The following OPA1 variants were observed in gnomAD, a reference collection of about 807,000 sequenced individuals.
OPA1 encodes dynamin-like GTPase OPA1, mitochondrial.
In OPA1, 59 loss-of-function variants were observed where a neutral mutation model predicts 152.9. That is an observed-to-expected ratio of 0.39 (90% confidence interval 0.31 to 0.48). OPA1 has a LOEUF of 0.48. Among genes scored for constraint, OPA1 ranks in the 20% least tolerant of loss-of-function variants. OPA1 has a pLI of 0.96. For synonymous variants in OPA1, 400 were observed against 389.9 expected (o/e 1.03, Z -0.31); for missense variants, 1,008 against 1,216.8 (o/e 0.83, Z 2.55).
rs1713425937 is a variant in OPA1 at position 193,654,902 on chromosome 3, A to G, written c.2053A>G (p.Thr685Ala). The G allele has an allele frequency of 3.1e-6, 5 of 1,613,884 alleles. No homozygotes were observed. Among genetic ancestry groups the G allele is most frequent in the Non-Finnish European group, 4.2e-6 (5 of 1,179,920 alleles). ...ACAATCTTTGTGGGAAAGAGTATCA[A>G]CTCATGTGATTGAAAACATCTACCT... is the stretch of plus-strand genomic sequence containing the variant. ...LQQSLWERVS[T>A]HVIENIYLPA... is the part of the protein sequence containing the mutation. The change falls in exon 22 of 31, where the codon ACT becomes GCT. Residue 685 changes from threonine to alanine, a missense_variant. Thr to Ala is a moderately conservative substitution (Grantham distance 58). This residue lies in a region of OPA1 where 229 missense variants were observed against 269.0 expected (regional missense o/e 0.85). Transcript: ENST00000361510.
chr3:193,693,902 A>G (rs151324173), intron 30 of OPA1, among the ~76,000 whole-genome samples: 26 of 152,336 alleles, frequency 1.7e-4, no homozygotes, highest in Admixed American at 3.9e-4. Flanking sequence ...AGCTTACATC[A>G]TAGTTCTATT....
chr3:193,626,245 T>C (rs765915926), intron 7 of OPA1, 43 bp downstream of exon 7: 1 of 1,365,710 alleles, frequency 7.3e-7, no homozygotes, highest in South Asian at 1.2e-5. Context: ...TTCACACTAA[T>C]CAGCCATTTC....
intron 20 of OPA1, 52 bp from the exon 21 acceptor site, chr3:193,648,743 G>A: frequency 2.4e-6 from 3 of 1,255,700 alleles, no homozygotes; most frequent in African/African-American, 2.9e-5. Context: ...TCATGACAGG[G>A]TAAATTTACT....
At chr3:193,674,473 T>A (rs1718563247) in intron 29 of OPA1, among the ~76,000 whole-genome samples, 1 of 152,228 alleles carries the variant, frequency 6.6e-6, no homozygotes, top group African/African-American at 2.4e-5. Flanking sequence ...GGTGACCTAA[T>A]ACTGCCATTT....
At chr3:193,609,852 C>T (rs972750634) in intron 1 of OPA1, among the ~76,000 whole-genome samples, 26 of 152,200 alleles carry the variant, frequency 1.7e-4, no homozygotes, top group Admixed American at 5.2e-4. Flanking sequence ...CTTGTGCATC[C>T]GTCACGTAGT....
At chr3:193,625,327 A>G (rs1357625665) in intron 6 of OPA1, among the ~76,000 whole-genome samples, 1 of 152,128 alleles carries the variant, frequency 6.6e-6, no homozygotes, top group Non-Finnish European at 1.5e-5. Context: ...CATAATAACT[A>G]TATTGTCTCC....
In OPA1 at chr3:193,626,154, C is replaced by T. The variant is rs1731087058; in HGVS notation, c.741C>T (p.Arg247=). 1 of 1,614,116 alleles carries T rather than the reference C, an allele frequency of 6.2e-7. No homozygotes were observed. The highest frequency in any genetic ancestry group is 8.5e-7 in the Non-Finnish European group (1 of 1,179,996). ...TTCAAGAGCATGAAGAGGAAGCGCG[C>T]AGAGCCGCTGGCCAATATAGCACGA... ...QQIQEHEEEA[R]RAAGQYSTSY... is the part of the protein sequence containing the mutation. The change falls in exon 7 of 31, where the codon CGC becomes CGT. Residue 247 remains arginine, a synonymous_variant. Coordinates refer to ENST00000361510, the MANE Select transcript of OPA1 (RefSeq NM_130837.3).
At chr3:193,672,856 G>A (rs761571120) in intron 29 of OPA1, among the ~76,000 whole-genome samples, 13 of 126,024 alleles carry the variant, frequency 1.0e-4, no homozygotes, top group East Asian at 2.3e-4. Context: ...GTAACAGAGC[G>A]AGACTCCATC....
intron 29 of OPA1, among the ~76,000 whole-genome samples, chr3:193,686,230 T>A (rs10937598): frequency 0.47 from 71,727 of 151,896 alleles, 17,364 homozygotes; most frequent in African/African-American, 0.55. Flanking sequence ...CCAAATGAAG[T>A]TTTCCATTTG....
chr3:193,626,859 G>T (rs368820022), intron 7 of OPA1, among the ~76,000 whole-genome samples: 2 of 152,126 alleles, frequency 1.3e-5, no homozygotes, highest in African/African-American at 4.8e-5. Context: ...AAGCTTAAGT[G>T]TATACCAATA....
At chr3:193,604,854 C>G (rs1455825312) in intron 1 of OPA1, among the ~76,000 whole-genome samples, 1 of 79,096 alleles carries the variant, frequency 1.3e-5, no homozygotes, top group African/African-American at 6.7e-5. Flanking sequence ...GAGTGAAACT[C>G]CATCTCAAAA....
intron 28 of OPA1, 119 bp from the exon 29 acceptor site, chr3:193,667,051 T>C: frequency 1.5e-6 from 1 of 659,702 alleles, no homozygotes; most frequent in Non-Finnish European, 2.7e-6. Context: ...CTATGAAAAG[T>C]ATTAGCAATA....
At chr3:193,614,613 G>A in intron 1 of OPA1, 110 bp from the exon 2 acceptor site, 1 of 802,986 alleles carries the variant, frequency 1.2e-6, no homozygotes, top group Non-Finnish European at 2.2e-6. Context: ...GTGACATTGT[G>A]GTTAGTCACG....
At chr3:193,597,358 A>G (rs184365856) in intron 1 of OPA1, among the ~76,000 whole-genome samples, 173 of 152,268 alleles carry the variant, frequency 1.1e-3, no homozygotes, top group Non-Finnish European at 9.9e-4. Flanking sequence ...TTGGAAGCCT[A>G]TGGTGCCCTC....
Position 193,697,308 on chromosome 3 carries a change from A to G in OPA1, c.*2708A>G, listed in dbSNP as rs569710340. On this transcript the variant is annotated 3_prime_UTR_variant, in exon 31 of 31. Transcript: ENST00000361510. ...TATGTTATAGCTCTAGCAGTATGGA[A>G]ATGTGCTTTAAAATATGCTTACCTT... The G allele has an allele frequency of 6.6e-6, 1 of 152,308 alleles. No homozygotes were observed. The highest frequency in any genetic ancestry group is 2.4e-5 in the African/African-American group (1 of 41,576). The allele number at this position is 152,308 out of a possible 1,614,324, so 9.4% of individuals were successfully genotyped here.
intron 29 of OPA1, among the ~76,000 whole-genome samples, chr3:193,676,768 C>G (rs1334426427): frequency 6.6e-6 from 1 of 152,084 alleles, no homozygotes; most frequent in Non-Finnish European, 1.5e-5. Context: ...ATCACAAGGT[C>G]AGGAGATCCA....
intron 29 of OPA1, among the ~76,000 whole-genome samples, chr3:193,671,636 G>A (rs974995730): frequency 6.6e-6 from 1 of 152,154 alleles, no homozygotes; most frequent in East Asian, 1.9e-4. Flanking sequence ...ATTATTCATA[G>A]CGAATACAAA....
intron 29 of OPA1, among the ~76,000 whole-genome samples, chr3:193,670,239 G>A (rs1717602603): frequency 6.6e-6 from 1 of 152,194 alleles, no homozygotes; most frequent in Non-Finnish European, 1.5e-5. Flanking sequence ...TGGATTTGGA[G>A]AAAGGGAGGC....
intron 23 of OPA1, among the ~76,000 whole-genome samples, chr3:193,658,104 G>T (rs1560397524): frequency 6.6e-6 from 1 of 152,032 alleles, no homozygotes; most frequent in Non-Finnish European, 1.5e-5. Context: ...AATTAACCAG[G>T]CATGGTGGTG....
Sources: allele counts gnomAD v4.1 joint callset (sites outside exome capture counted in the v4.1 genomes callset), GRCh38; gene constraint gnomAD v4.1.1; regional missense constraint gnomAD v4.1.1; transcripts MANE v1.5; gene names NCBI Gene and HGNC (gene_info 2026-07-23, HGNC 2026-07-21).